Variants in FAM110B observed in about 807,000 individuals in gnomAD.
The protein encoded by FAM110B is family with sequence similarity 110 member B, also known as protein FAM110B.
In FAM110B, 6 loss-of-function variants were observed where a neutral mutation model predicts 20.4. The observed-to-expected ratio is 0.29, with a 90% CI of 0.16 to 0.58. The LOEUF is 0.58. FAM110B is among the 20% of genes least tolerant of loss of function. The pLI, the probability that FAM110B is intolerant of heterozygous loss-of-function variation, is 0.90. For missense variants in FAM110B, 434 were observed against 498.2 expected, an observed-to-expected ratio of 0.87 and a Z score of 1.23; for synonymous variants, 226 against 214.1, an observed-to-expected ratio of 1.06 and a Z score of -0.49.
At chr8:58,076,518 T>C (rs936008502) in intron 3 of FAM110B, among the ~76,000 whole-genome samples, 2 of 152,234 alleles carry the variant, frequency 1.3e-5, no homozygotes, top group African/African-American at 4.8e-5. Flanking sequence ...TCCTTTCTGG[T>C]CCCCACAGCT....
intron 2 of FAM110B, among the ~76,000 whole-genome samples, chr8:58,053,999 G>A (rs973777819): frequency 6.6e-6 from 1 of 152,196 alleles, no homozygotes. Flanking sequence ...AGAAAGTGGT[G>A]TACAGAAAAC....
chr8:58,056,455 G>C (rs1234762496), intron 2 of FAM110B, among the ~76,000 whole-genome samples: 2 of 152,118 alleles, frequency 1.3e-5, no homozygotes, highest in Non-Finnish European at 2.9e-5. Context: ...GACTAAGAGA[G>C]AGCACTGACA....
intron 1 of FAM110B, among the ~76,000 whole-genome samples, chr8:58,030,542 C>T (rs898903767): frequency 4.8e-5 from 7 of 146,528 alleles, no homozygotes; most frequent in East Asian, 2.0e-4. Flanking sequence ...GTGCTGAGGA[C>T]GCTGGCATAG....
In FAM110B at chr8:58,147,631, A is replaced by G. The variant is rs2150648347; in HGVS notation, c.*288A>G. On this transcript the variant is annotated 3_prime_UTR_variant, in exon 4 of 4. Coordinates refer to ENST00000519262, the MANE Select transcript of FAM110B (RefSeq NM_001377989.1). ...ATGAAAATGGTATACAACTTCTTCG[A>G]TATTTATGTGGTTCTTGTGTTTTTA... 1 of 391,032 alleles carries G rather than the reference A, an allele frequency of 2.6e-6. No individual in the cohort carries two copies. The highest frequency in any genetic ancestry group is 4.8e-6 in the Non-Finnish European group (1 of 207,072). The allele number at this position is 391,032 out of a possible 1,614,324, so 24.2% of individuals were successfully genotyped here.
At chr8:58,008,701 G>A (rs1391307025) in intron 1 of FAM110B, among the ~76,000 whole-genome samples, 1 of 152,214 alleles carries the variant, frequency 6.6e-6, no homozygotes, top group East Asian at 1.9e-4. Context: ...CTCTGTAGCT[G>A]TAATTTTGGA....
chr8:58,091,919 G>A (rs1375126879), intron 3 of FAM110B, among the ~76,000 whole-genome samples: 1 of 152,092 alleles, frequency 6.6e-6, no homozygotes, highest in East Asian at 1.9e-4. Context: ...TTAAAGAAAT[G>A]AAAAGAAGTC....
intron 3 of FAM110B, among the ~76,000 whole-genome samples, chr8:58,081,674 T>A (rs901590188): frequency 6.6e-6 from 1 of 152,204 alleles, no homozygotes; most frequent in Admixed American, 6.5e-5. Context: ...ACACACCTGG[T>A]TCCTCAGAGC....
At chr8:58,117,061 T>G (rs933301996) in intron 3 of FAM110B, among the ~76,000 whole-genome samples, 1 of 152,190 alleles carries the variant, frequency 6.6e-6, no homozygotes, top group Non-Finnish European at 1.5e-5. Flanking sequence ...GCAAAGAGCC[T>G]CTATTGTGGC....
intron 1 of FAM110B, among the ~76,000 whole-genome samples, chr8:58,018,840 A>T (rs1287427272): frequency 6.6e-6 from 1 of 152,144 alleles, no homozygotes; most frequent in Non-Finnish European, 1.5e-5. Flanking sequence ...ATAGATAGAT[A>T]GATAGATAGA....
At chr8:58,059,800 A>G (rs1413579496) in intron 2 of FAM110B, among the ~76,000 whole-genome samples, 1 of 152,116 alleles carries the variant, frequency 6.6e-6, no homozygotes, top group Non-Finnish European at 1.5e-5. Flanking sequence ...TTGCAACTCT[A>G]GAACATTTTT....
intron 3 of FAM110B, among the ~76,000 whole-genome samples, chr8:58,080,318 T>G (rs1167548358): frequency 6.6e-6 from 1 of 152,206 alleles, no homozygotes. Context: ...TCTGGTGGAA[T>G]ATTAGAATGA....
intron 3 of FAM110B, among the ~76,000 whole-genome samples, chr8:58,078,689 T>C (rs1806102230): frequency 1.3e-5 from 2 of 151,696 alleles, no homozygotes; most frequent in Admixed American, 1.3e-4. Flanking sequence ...TAGCTGGGAC[T>C]ACAGGCACCC....
intron 1 of FAM110B, among the ~76,000 whole-genome samples, chr8:58,012,693 C>A (rs968479932): frequency 1.3e-5 from 2 of 152,172 alleles, no homozygotes; most frequent in Non-Finnish European, 2.9e-5. Context: ...TGGAGGACTG[C>A]TGGAGGACAT....
At chr8:58,070,369 G>T (rs942500306) in intron 2 of FAM110B, 1 of 152,240 alleles carries the variant, frequency 6.6e-6, no homozygotes, top group Non-Finnish European at 1.5e-5. Flanking sequence ...GGAGGTCAGT[G>T]AAGGAGGCTC....
Position 58,042,383 on chromosome 8 carries a change from A to G in FAM110B, c.-414+10680A>G, listed in dbSNP as rs1362512209. Among the ~76,000 whole-genome samples the G allele has an allele frequency of 3.3e-5, 5 of 152,248 alleles. No individual in the cohort carries two copies. The East Asian group carries it at 9.6e-4, about 29-fold the overall frequency. ...AATGTCAGCATCATGCAGAGATGAAATTAGGGGACCCATTTGTCTTTTGGC... is the reference window on the plus strand; with the variant it reads ...AATGTCAGCATCATGCAGAGATGAAGTTAGGGGACCCATTTGTCTTTTGGC... On this transcript the variant is annotated intron_variant, in intron 2 of 3. Coordinates refer to ENST00000519262, the MANE Select transcript of FAM110B (RefSeq NM_001377989.1).
intron 2 of FAM110B, among the ~76,000 whole-genome samples, chr8:58,056,129 T>G (rs959767027): frequency 1.3e-5 from 2 of 152,194 alleles, no homozygotes; most frequent in African/African-American, 4.8e-5. Context: ...TTCACTACAG[T>G]GGTGGAGTTG....
chr8:58,026,535 T>C (rs1324341315), intron 1 of FAM110B, among the ~76,000 whole-genome samples: 2 of 152,174 alleles, frequency 1.3e-5, no homozygotes, highest in African/African-American at 4.8e-5. Flanking sequence ...CAACCTTGAA[T>C]CATCTGTAAT....
intron 2 of FAM110B, among the ~76,000 whole-genome samples, chr8:58,044,949 GA>G (rs1206804709): frequency 6.6e-6 from 1 of 152,162 alleles, no homozygotes; most frequent in Non-Finnish European, 1.5e-5. Context: ...TTAGTTTTAG[GA>G]AATAATGAGT....
chr8:58,039,509 T>C (rs1173248275), intron 2 of FAM110B, among the ~76,000 whole-genome samples: 2 of 152,218 alleles, frequency 1.3e-5, no homozygotes, highest in African/African-American at 2.4e-5. Flanking sequence ...CCATTGAGTT[T>C]ATATGGTGTT....
Sources: gnomAD v4.1 joint callset for allele counts (sites outside exome capture counted in the v4.1 genomes callset) on GRCh38, gnomAD v4.1.1 for gene constraint, MANE v1.5 for transcripts, NCBI Gene and HGNC (gene_info 2026-07-23, HGNC 2026-07-21) for gene names.